The following GRIK2 variants were observed in gnomAD, a reference collection of about 807,000 sequenced individuals.
The protein encoded by GRIK2 is glutamate ionotropic receptor kainate type subunit 2, also known as glutamate receptor ionotropic, kainate 2.
Under a neutral mutation model 100.3 loss-of-function variants are expected in GRIK2, and 32 were observed. The observed-to-expected ratio is 0.32, with a 90% CI of 0.24 to 0.43. The LOEUF (loss-of-function observed/expected upper bound fraction) is 0.43, where lower values mean the gene tolerates loss of function less well. Among genes scored for constraint, GRIK2 ranks in the 20% least tolerant of loss-of-function variants. GRIK2 has a pLI of 1.00. For missense variants in GRIK2, 843 were observed against 1,114.9 expected (o/e 0.76, Z 3.47); for synonymous variants, 417 against 389.4 (o/e 1.07, Z -0.83).
intron 10 of GRIK2, among the ~76,000 whole-genome samples, chr6:101,852,032 G>A (rs983970811): frequency 6.6e-6 from 1 of 150,880 alleles, no homozygotes; most frequent in African/African-American, 2.4e-5. Flanking sequence ...CTGACCTCAT[G>A]TAGTTGTTAT....
intron 10 of GRIK2, among the ~76,000 whole-genome samples, chr6:101,834,707 T>C (rs2128429882): frequency 6.6e-6 from 1 of 152,286 alleles, no homozygotes; most frequent in Middle Eastern, 3.4e-3. Flanking sequence ...TTTAGACAAT[T>C]TTGTTTATTA....
intron 2 of GRIK2, among the ~76,000 whole-genome samples, chr6:101,492,499 A>G (rs1353221238): frequency 3.9e-5 from 6 of 152,004 alleles, no homozygotes. Flanking sequence ...TCTATGAGTT[A>G]TAATAAATTA....
intron 14 of GRIK2, among the ~76,000 whole-genome samples, chr6:102,019,092 G>A (rs1307103928): frequency 6.6e-6 from 1 of 151,972 alleles, no homozygotes; most frequent in African/African-American, 2.4e-5. Flanking sequence ...AGTAGCATTT[G>A]CTCTGGCAAA....
At chr6:101,426,919 T>C (rs1237376852) in intron 2 of GRIK2, among the ~76,000 whole-genome samples, 1 of 152,184 alleles carries the variant, frequency 6.6e-6, no homozygotes, top group South Asian at 2.1e-4. Flanking sequence ...ATCCAAACAA[T>C]ATGCTATGTT....
intron 2 of GRIK2, among the ~76,000 whole-genome samples, chr6:101,485,592 TC>T (rs1369220059): frequency 1.3e-5 from 2 of 152,160 alleles, no homozygotes; most frequent in Non-Finnish European, 2.9e-5. Flanking sequence ...GAAAAGTAAC[TC>T]TTACAGAATT....
At chr6:101,806,442 A>G (rs904196100) in intron 9 of GRIK2, among the ~76,000 whole-genome samples, 5 of 152,070 alleles carry the variant, frequency 3.3e-5, no homozygotes, top group African/African-American at 9.7e-5. Context: ...CAATTCTGTT[A>G]TAATCCATTC....
At chr6:101,404,035 A>G (rs1217093062) in intron 2 of GRIK2, among the ~76,000 whole-genome samples, 1 of 152,246 alleles carries the variant, frequency 6.6e-6, no homozygotes, top group East Asian at 1.9e-4. Flanking sequence ...TTTGTCTTCT[A>G]GAAATTGCAC....
At chr6:101,562,813 A>G (rs1308439001) in intron 2 of GRIK2, among the ~76,000 whole-genome samples, 2 of 152,160 alleles carry the variant, frequency 1.3e-5, no homozygotes, top group Non-Finnish European at 2.9e-5. Context: ...TTTTCAAGAC[A>G]ACACTTTTAG....
At chr6:101,840,735 T>C (rs1783439303) in intron 10 of GRIK2, among the ~76,000 whole-genome samples, 1 of 152,322 alleles carries the variant, frequency 6.6e-6, no homozygotes, top group East Asian at 1.9e-4. Flanking sequence ...CTATAAATTT[T>C]ATATTCTGAG....
chr6:102,046,915 G>A (rs1192875305), intron 15 of GRIK2, among the ~76,000 whole-genome samples: 1 of 151,958 alleles, frequency 6.6e-6, no homozygotes. Flanking sequence ...AGAAATCTTG[G>A]AAAATTAACA....
chr6:101,934,947 T>C (rs754656313), intron 14 of GRIK2, among the ~76,000 whole-genome samples: 11 of 152,018 alleles, frequency 7.2e-5, no homozygotes, highest in Non-Finnish European at 1.6e-4. Context: ...AGAAATATTA[T>C]CTAGAACTTT....
chr6:101,786,212 T>C (rs1258641525), intron 7 of GRIK2, among the ~76,000 whole-genome samples: 1 of 152,042 alleles, frequency 6.6e-6, no homozygotes, highest in South Asian at 2.1e-4. Flanking sequence ...GTGGAGTCTT[T>C]AGGTTTTTTA....
At chr6:101,508,091 TTA>T (rs1465334248) in intron 2 of GRIK2, among the ~76,000 whole-genome samples, 1 of 103,924 alleles carries the variant, frequency 9.6e-6, no homozygotes, top group Non-Finnish European at 1.9e-5. Flanking sequence ...CTGATTATTA[TTA>T]TTTTTTTTTT....
intron 10 of GRIK2, among the ~76,000 whole-genome samples, chr6:101,835,464 CTTTTT>C (rs764148146): frequency 1.5e-4 from 13 of 89,020 alleles, no homozygotes; most frequent in African/African-American, 5.9e-4. Context: ...CTATGAGTTC[CTTTTT>C]TTTTTTTTTT....
intron 4 of GRIK2, among the ~76,000 whole-genome samples, chr6:101,632,805 G>T (rs1780826825): frequency 6.6e-6 from 1 of 152,064 alleles, no homozygotes; most frequent in African/African-American, 2.4e-5. Flanking sequence ...ACACTCTAGT[G>T]TAACAAGTGC....
rs115278866 is a variant in GRIK2 at position 101,756,118 on chromosome 6, T to C, written c.952-43530T>C. Among the ~76,000 whole-genome samples the C allele has an allele frequency of 9.7e-3, 1,484 of 152,272 alleles. 19 individuals carry two copies. Among genetic ancestry groups the C allele is most frequent in the African/African-American group, 0.032 (1,346 of 41,552 alleles). On this transcript the variant is annotated intron_variant, in intron 7 of 16. Coordinates refer to ENST00000369134, the MANE Select transcript of GRIK2 (RefSeq NM_021956.5). Reference sequence around the variant, plus strand: ...AAGCCAACATGATGCCATTCCTTGTTAGTGCTGCTGCTGCACAGTTTCAGA... The same window carrying C: ...AAGCCAACATGATGCCATTCCTTGTCAGTGCTGCTGCTGCACAGTTTCAGA...
At chr6:101,898,803 T>C (rs1013002756) in intron 12 of GRIK2, among the ~76,000 whole-genome samples, 1 of 151,904 alleles carries the variant, frequency 6.6e-6, no homozygotes, top group Non-Finnish European at 1.5e-5. Flanking sequence ...TTTTCATAAT[T>C]CATGGATATG....
chr6:101,839,103 C>G (rs1224638467), intron 10 of GRIK2, among the ~76,000 whole-genome samples: 1 of 152,040 alleles, frequency 6.6e-6, no homozygotes, highest in African/African-American at 2.4e-5. Flanking sequence ...CAGTTACCTT[C>G]AAACACAATT....
intron 11 of GRIK2, among the ~76,000 whole-genome samples, chr6:101,866,778 C>T (rs955303589): frequency 6.6e-6 from 1 of 150,920 alleles, no homozygotes; most frequent in Non-Finnish European, 1.5e-5. Context: ...TTTTTAATTT[C>T]CCCTTCTTTG....
Sources: gnomAD v4.1 joint callset for allele counts (sites outside exome capture counted in the v4.1 genomes callset) on GRCh38, gnomAD v4.1.1 for gene constraint, MANE v1.5 for transcripts, NCBI Gene and HGNC (gene_info 2026-07-23, HGNC 2026-07-21) for gene names.